PLEKHH2: variants seen among roughly 807,000 people sequenced by gnomAD.
PLEKHH2 encodes pleckstrin homology domain-containing family H member 2.
A neutral mutation model predicts 187.9 loss-of-function variants in PLEKHH2; 129 were observed. The observed-to-expected ratio is 0.69, with a 90% CI of 0.59 to 0.79. The LOEUF is 0.79. Ranked by LOEUF, PLEKHH2 falls within the 30% of genes least tolerant of loss-of-function variation. The pLI, the probability that PLEKHH2 is intolerant of heterozygous loss-of-function variation, is 0.00. For synonymous variants in PLEKHH2, 686 were observed against 605.6 expected (o/e 1.13, Z -1.95); for missense variants, 2,076 against 1,751.2 (o/e 1.19, Z -3.31).
rs778299291 is a variant in PLEKHH2, at chr2:43,765,520, G to T, written c.4404G>T (p.Arg1468=). The T allele has an allele frequency of 4.3e-6, 7 of 1,613,998 alleles. No homozygotes were observed. The South Asian group carries it at 4.4e-5, about 10-fold the overall frequency. ...CAGCACTGCTCTCAGCCCAGACCCG[G>T]GGACCCCAAGCCAGAATGATGGGAA... ...SAPALLSAQT[R]GPQARMMGSQ... The change falls in exon 30 of 30, where the codon CGG becomes CGT. Residue 1468 remains arginine (R), a synonymous_variant. Transcript: ENST00000282406.
rs780926412 is a variant in PLEKHH2, at chr2:43,675,963, C to T, written c.124-2900C>T. The T allele has an allele frequency of 1.9e-6, 3 of 1,613,988 alleles. No individual in the cohort carries two copies. The East Asian group carries it at 6.7e-5, about 36-fold the overall frequency. ...CAAAGACGTATTTGTAAGCGGTCCT[C>T]ATCTGTACCCACCTGTCATTACTTT... On this transcript the variant is annotated intron_variant, in intron 2 of 29. Transcript: ENST00000282406.
chr2:43,746,763 G>T (rs531675987), intron 24 of PLEKHH2, among the ~76,000 whole-genome samples: 2 of 152,090 alleles, frequency 1.3e-5, no homozygotes, highest in Admixed American at 6.5e-5. Flanking sequence ...GAGGTCAGGA[G>T]ATCGAGACCA....
chr2:43,729,504 T>A (rs906266515), intron 17 of PLEKHH2, 133 bp from the exon 18 acceptor site: 1 of 546,886 alleles, frequency 1.8e-6, no homozygotes, highest in Admixed American at 3.7e-5. Context: ...ATAAATGGCT[T>A]TTCATTATTA....
chr2:43,643,830 A>G (rs964202327), intron 1 of PLEKHH2, among the ~76,000 whole-genome samples: 3 of 152,112 alleles, frequency 2.0e-5, no homozygotes, highest in African/African-American at 7.2e-5. Context: ...AGAGCCAGAA[A>G]CCATCATGCT....
chr2:43,716,423 G>C (rs189815406), intron 15 of PLEKHH2, among the ~76,000 whole-genome samples: 217 of 152,308 alleles, frequency 1.4e-3, no homozygotes, highest in Non-Finnish European at 2.4e-3. Context: ...TATTTACTAA[G>C]AGTGGGGAAA....
chr2:43,673,280 A>G (rs1256267859), intron 2 of PLEKHH2, among the ~76,000 whole-genome samples: 1 of 152,182 alleles, frequency 6.6e-6, no homozygotes, highest in Non-Finnish European at 1.5e-5. Flanking sequence ...TAATGACTGT[A>G]TGGTATCTAA....
At chr2:43,736,506 A>G (rs1671301039) in intron 19 of PLEKHH2, among the ~76,000 whole-genome samples, 1 of 152,166 alleles carries the variant, frequency 6.6e-6, no homozygotes, top group Non-Finnish European at 1.5e-5. Flanking sequence ...TCACGGAGAC[A>G]GAGTTCAGAA....
chr2:43,726,174 T>C, intron 16 of PLEKHH2, 98 bp from the exon 17 acceptor site: 1 of 804,648 alleles, frequency 1.2e-6, no homozygotes, highest in East Asian at 3.0e-5. Flanking sequence ...TTTTTAAAGG[T>C]ATGCTTTATA....
intron 15 of PLEKHH2, among the ~76,000 whole-genome samples, chr2:43,715,150 C>T (rs1670153351): frequency 6.6e-6 from 1 of 152,030 alleles, no homozygotes; most frequent in African/African-American, 2.4e-5. Context: ...CTGGCGGGCA[C>T]CTGTAATCCC....
chr2:43,721,068 T>C (rs373240208), intron 16 of PLEKHH2, among the ~76,000 whole-genome samples: 1 of 152,144 alleles, frequency 6.6e-6, no homozygotes, highest in African/African-American at 2.4e-5. Context: ...ATAAGGTTGA[T>C]AGAAGGAAGC....
At chr2:43,701,654 A>G (rs1337790927) in intron 8 of PLEKHH2, among the ~76,000 whole-genome samples, 1 of 152,108 alleles carries the variant, frequency 6.6e-6, no homozygotes, top group Non-Finnish European at 1.5e-5. Context: ...TAGAATAGAT[A>G]AAATCTTCTT....
intron 24 of PLEKHH2, among the ~76,000 whole-genome samples, chr2:43,750,163 A>T (rs1044977265): frequency 8.5e-5 from 13 of 152,268 alleles, no homozygotes; most frequent in African/African-American, 3.1e-4. Context: ...CACCAAAAAA[A>T]ATTCCAGGAT....
rs1468118574 is a variant in PLEKHH2, at chr2:43,767,449, GT to G, written c.*1854del. On this transcript the variant is annotated 3_prime_UTR_variant, in exon 30 of 30. Coordinates refer to ENST00000282406, the MANE Select transcript of PLEKHH2 (RefSeq NM_172069.4). ...CCATCAAAATAGATTTCAATTGACTGTTTCCCCTACATCTTTTGAGCCACAG... is the reference window on the plus strand; with the variant it reads ...CCATCAAAATAGATTTCAATTGACTGTTCCCCTACATCTTTTGAGCCACAG... The G allele has an allele frequency of 1.3e-5, 2 of 152,434 alleles. No individual in the cohort carries two copies. Among genetic ancestry groups the G allele is most frequent in the Admixed American group, 1.3e-4 (2 of 15,298 alleles). The allele number at this position is 152,434 out of a possible 1,614,324, so 9.4% of individuals were successfully genotyped here.
intron 15 of PLEKHH2, among the ~76,000 whole-genome samples, chr2:43,716,442 G>A (rs1401340925): frequency 6.6e-6 from 1 of 152,190 alleles, no homozygotes; most frequent in Non-Finnish European, 1.5e-5. Context: ...AAAGGGTGGA[G>A]AATAATCATT....
chr2:43,713,099 A>AACACACACACACACACACACACACACAC (rs10524364), intron 15 of PLEKHH2, among the ~76,000 whole-genome samples: 2 of 150,676 alleles, frequency 1.3e-5, no homozygotes, highest in African/African-American at 2.4e-5. Context: ...ATATCAAATC[A>AACACACACACACACACACACACACACAC]ACACACACAC....
At chr2:43,682,171 C>T (rs900104033) in intron 3 of PLEKHH2, among the ~76,000 whole-genome samples, 1 of 152,198 alleles carries the variant, frequency 6.6e-6, no homozygotes, top group African/African-American at 2.4e-5. Context: ...ATCATAACCA[C>T]AATACCATCA....
rs1162374156 is a variant in PLEKHH2, at chr2:43,745,873, A to T, written c.3563A>T (p.Asp1188Val). 1 of 1,606,322 alleles carries T rather than the reference A, an allele frequency of 6.2e-7. No individual in the cohort carries two copies. The highest frequency in any genetic ancestry group is 8.5e-7 in the Non-Finnish European group (1 of 1,174,482). ...TTTCCACTTCCTTTCTAGATTTGTG[A>T]CATTATTTCCAAATGGGAACAGGCT... ...HCLQGNIKIC[D>V]IISKWEQASK... The change falls in exon 24 of 30, where the codon GAC becomes GTC. Residue 1188 changes from aspartate (D) to valine (V), a missense_variant. Coordinates refer to ENST00000282406, the MANE Select transcript of PLEKHH2 (RefSeq NM_172069.4).
chr2:43,744,636 G>T (rs961912408), intron 23 of PLEKHH2, among the ~76,000 whole-genome samples: 1 of 152,128 alleles, frequency 6.6e-6, no homozygotes, highest in South Asian at 2.1e-4. Context: ...GGGAGGCCGG[G>T]TCAGGTGGAT....
At chr2:43,680,645 T>C (rs1023462973) in intron 3 of PLEKHH2, 1 of 305,686 alleles carries the variant, frequency 3.3e-6, no homozygotes, top group Non-Finnish European at 6.4e-6. Flanking sequence ...GAAGTTGCAG[T>C]GTCTGTTTGT....
Sources: gnomAD v4.1 joint callset for allele counts (sites outside exome capture counted in the v4.1 genomes callset) on GRCh38, gnomAD v4.1.1 for gene constraint, MANE v1.5 for transcripts, NCBI Gene and HGNC (gene_info 2026-07-23, HGNC 2026-07-21) for gene names.